Variants in IRGM observed in about 807,000 individuals in gnomAD.
IRGM encodes the protein immunity related GTPase M.
For synonymous variants in IRGM, 98 were observed against 80.6 expected (o/e 1.22, Z -1.16); for missense variants, 288 against 219.9 (o/e 1.31, Z -1.96).
Position 150,894,025 on chromosome 5 carries a change from C to T in IRGM, c.*141-6564C>T, listed in dbSNP as rs1754666373. Reference sequence around the variant, plus strand: ...ACATCCCTGTCCAGTGTGCCCTCTACTCTACAGTTGTTCTCAACTAGAGGA... The same window carrying T: ...ACATCCCTGTCCAGTGTGCCCTCTATTCTACAGTTGTTCTCAACTAGAGGA... On this transcript the variant is annotated intron_variant and NMD_transcript_variant, in intron 3 of 3. Coordinates refer to the IRGM transcript ENST00000520549. Among the ~76,000 whole-genome samples, 3 of 152,012 alleles carry T rather than the reference C, an allele frequency of 2.0e-5. No individual in the cohort carries two copies. In the South Asian group the frequency reaches 6.2e-4, roughly 32 times the overall value.
rs897800856 is a variant in IRGM, at chr5:150,876,219, C to T, written c.159-1761C>T. ...AAAGTTATCCAGAGGGCTGTGTATG[C>T]TCTGAATCAGCATCCAATATATGGT... On this transcript the variant is annotated intron_variant and NMD_transcript_variant, in intron 1 of 3. Transcript: ENST00000520549. 7.2e-5 allele frequency among the ~76,000 whole-genome samples: 11 copies of T among 152,200 alleles called. 1 individual carries two copies. The highest frequency in any genetic ancestry group is 5.9e-5 in the Non-Finnish European group (4 of 68,024).
rs1753909474 is a variant in IRGM, at chr5:150,848,227, A to G, written c.104A>G (p.Asn35Ser). 1.3e-6 allele frequency: 2 copies of G among 1,551,680 alleles called. No homozygotes were observed. Among genetic ancestry groups the G allele is most frequent in the East Asian group, 2.4e-5 (1 of 41,074 alleles). The change falls in exon 2 of 2, where the codon AAC (asparagine) becomes AGC (serine). Residue 35 changes from asparagine (N) to serine (S), a missense_variant. By Grantham distance (46) the Asn-to-Ser change is conservative (BLOSUM62 1). Transcript: ENST00000522154. Reference sequence around the variant, plus strand: ...AAGATAGTGTCCAGGACACCAGTTAACATCACTATGGCAGGGGACTCTGGC... The same window carrying G: ...AAGATAGTGTCCAGGACACCAGTTAGCATCACTATGGCAGGGGACTCTGGC... ...TLKIVSRTPV[N>S]ITMAGDSGNG...
intron 3 of IRGM, chr5:150,896,736 C>A: frequency 6.2e-7 from 1 of 1,613,458 alleles, no homozygotes; most frequent in South Asian, 1.1e-5. Context: ...AAATATTTTC[C>A]CCAGTGGATT....
At chr5:150,866,137 C>G (rs1754205241) in intron 1 of IRGM, among the ~76,000 whole-genome samples, 1 of 152,164 alleles carries the variant, frequency 6.6e-6, no homozygotes, top group African/African-American at 2.4e-5. Flanking sequence ...TTCCGTGATT[C>G]TGAGTTTCCA....
intron 1 of IRGM, among the ~76,000 whole-genome samples, chr5:150,873,965 A>G (rs1247198627): frequency 6.6e-6 from 1 of 152,260 alleles, no homozygotes; most frequent in East Asian, 1.9e-4. Flanking sequence ...AAGAGGACAG[A>G]TGGATCTTGG....
intron 1 of IRGM, among the ~76,000 whole-genome samples, chr5:150,863,277 G>A (rs962281072): frequency 6.6e-6 from 1 of 152,176 alleles, no homozygotes; most frequent in African/African-American, 2.4e-5. Flanking sequence ...TTAGACCACT[G>A]TTTAAAGAAG....
At chr5:150,896,034 G>A (rs1392903928) in intron 3 of IRGM, 4 of 1,613,200 alleles carry the variant, frequency 2.5e-6, no homozygotes, top group Non-Finnish European at 1.7e-6. Flanking sequence ...TCCAGTATGA[G>A]CTCTGTGGTG....
At chr5:150,866,269 A>G (rs1187652073) in intron 1 of IRGM, among the ~76,000 whole-genome samples, 1 of 152,188 alleles carries the variant, frequency 6.6e-6, no homozygotes, top group Non-Finnish European at 1.5e-5. Flanking sequence ...GCCATGGCAA[A>G]GGAAAGAATG....
At chr5:150,885,954 AGTGGT>A (rs1754514916) in intron 3 of IRGM, among the ~76,000 whole-genome samples, 2 of 151,982 alleles carry the variant, frequency 1.3e-5, no homozygotes, top group African/African-American at 4.8e-5. Context: ...TATGTTGAAG[AGTGGT>A]GAGAGAGGGT....
intron 3 of IRGM, among the ~76,000 whole-genome samples, chr5:150,883,370 C>A (rs1754472733): frequency 7.2e-6 from 1 of 138,446 alleles, no homozygotes; most frequent in African/African-American, 3.2e-5. Flanking sequence ...AAAAACTAAG[C>A]CTAGAGTAGT....
intron 1 of IRGM, among the ~76,000 whole-genome samples, chr5:150,861,521 A>G (rs913282347): frequency 1.3e-5 from 2 of 152,342 alleles, no homozygotes; most frequent in Middle Eastern, 3.4e-3. Flanking sequence ...AGTATCATCA[A>G]TGTAAGAGAT....
At chr5:150,893,226 C>T (rs1440877663) in intron 3 of IRGM, among the ~76,000 whole-genome samples, 4 of 152,090 alleles carry the variant, frequency 2.6e-5, no homozygotes, top group African/African-American at 9.7e-5. Flanking sequence ...TCTAGAATGC[C>T]AACTTTGTCA....
chr5:150,847,404 G>A (rs1399265712), intron 1 of IRGM, 184 bp downstream of exon 1: 2 of 152,260 alleles, frequency 1.3e-5, no homozygotes, highest in Admixed American at 6.5e-5. Context: ...GTAAAAGAGG[G>A]AAAGACAAAA....
rs147157920 is a variant in IRGM, at chr5:150,873,665, C to T, written c.159-4315C>T. Among the ~76,000 whole-genome samples, 686 of 152,226 alleles carry T rather than the reference C, an allele frequency of 4.5e-3. 6 individuals are homozygous for T. Among genetic ancestry groups the T allele is most frequent in the African/African-American group, 0.016 (651 of 41,492 alleles). On this transcript the variant is annotated intron_variant and NMD_transcript_variant, in intron 1 of 3. Coordinates refer to the IRGM transcript ENST00000520549. ...ACAGTGGGTCCAGTGGGTCCCTGGA[C>T]TCATCCTGTGGTCATTTCCCCAGTG...
At chr5:150,878,205 C>A in intron 2 of IRGM, 2 of 370,758 alleles carry the variant, frequency 5.4e-6, no homozygotes, top group South Asian at 4.2e-5. Flanking sequence ...TTAATGCTTC[C>A]TAACTTTGTG....
At chr5:150,870,875 AT>A (rs1335601357) in intron 1 of IRGM, among the ~76,000 whole-genome samples, 1 of 151,316 alleles carries the variant, frequency 6.6e-6, no homozygotes, top group East Asian at 1.9e-4. Context: ...TGTTGTTTTG[AT>A]TTGTTTCCCA....
chr5:150,859,921 A>T (rs1405458792), intron 1 of IRGM, among the ~76,000 whole-genome samples: 1 of 152,178 alleles, frequency 6.6e-6, no homozygotes, highest in African/African-American at 2.4e-5. Context: ...ACAGGATGAC[A>T]ACTAAGAAAT....
chr5:150,892,807 AGTGGTG>A (rs1754633200), intron 3 of IRGM, among the ~76,000 whole-genome samples: 1 of 152,064 alleles, frequency 6.6e-6, no homozygotes, highest in Non-Finnish European at 1.5e-5. Flanking sequence ...GCTGGAGTGC[AGTGGTG>A]CAATCACTGC....
At chr5:150,882,404 ATTC>A (rs1256262412) in intron 3 of IRGM, among the ~76,000 whole-genome samples, 1 of 152,150 alleles carries the variant, frequency 6.6e-6, no homozygotes, top group Admixed American at 6.5e-5. Flanking sequence ...AATAGATTAA[ATTC>A]TTCAATCAAA....
Sources: allele counts gnomAD v4.1 joint callset (sites outside exome capture counted in the v4.1 genomes callset), GRCh38; gene constraint gnomAD v4.1.1; transcripts MANE v1.5; gene names NCBI Gene and HGNC (gene_info 2026-07-23, HGNC 2026-07-21).